Variants in FHIT observed in about 807,000 individuals in gnomAD.
The protein encoded by FHIT is bis(5'-adenosyl)-triphosphatase.
FHIT carries 19 observed loss-of-function variants against 17.9 expected under a neutral mutation model. The ratio of observed to expected loss-of-function variants is 1.06; its 90% CI spans 0.74 to 1.56. The LOEUF is 1.56. Ranked by LOEUF, FHIT falls within the 40% of genes most tolerant of loss-of-function variation. FHIT has a pLI of 0.00. For missense variants in FHIT, 248 were observed against 189.2 expected, an observed-to-expected ratio of 1.31 and a Z score of -1.82; for synonymous variants, 81 against 69.7, an observed-to-expected ratio of 1.16 and a Z score of -0.81.
intron 2 of FHIT, among the ~76,000 whole-genome samples, chr3:61,043,379 G>C (rs1403228995): frequency 6.6e-6 from 1 of 152,188 alleles, no homozygotes; most frequent in Non-Finnish European, 1.5e-5. Context: ...CTCTCTGTTA[G>C]CACAGCAGTC....
At chr3:60,169,820 C>A (rs1701339946) in intron 5 of FHIT, among the ~76,000 whole-genome samples, 1 of 152,082 alleles carries the variant, frequency 6.6e-6, no homozygotes, top group South Asian at 2.1e-4. Flanking sequence ...AAGAATGCAA[C>A]AAAGTGGGGA....
intron 5 of FHIT, among the ~76,000 whole-genome samples, chr3:60,191,385 T>C (rs1016638793): frequency 4.6e-5 from 7 of 152,212 alleles, no homozygotes; most frequent in Non-Finnish European, 8.8e-5. Context: ...CGGCAGGTTG[T>C]CACCTAGTGA....
chr3:60,144,531 G>A (rs759665081), intron 5 of FHIT, among the ~76,000 whole-genome samples: 2 of 152,112 alleles, frequency 1.3e-5, no homozygotes, highest in Non-Finnish European at 1.5e-5. Context: ...AGGTAAACTT[G>A]ATTAGTATTT....
chr3:61,212,013 C>T (rs986399786), intron 1 of FHIT, among the ~76,000 whole-genome samples: 57 of 152,158 alleles, frequency 3.7e-4, no homozygotes, highest in Non-Finnish European at 2.4e-4. Flanking sequence ...ACATAACCAT[C>T]ATGAAAGACC....
chr3:59,979,836 T>A (rs1475690500), intron 7 of FHIT, among the ~76,000 whole-genome samples: 1 of 152,062 alleles, frequency 6.6e-6, no homozygotes, highest in Non-Finnish European at 1.5e-5. Flanking sequence ...TCCTGCCACA[T>A]AAAAAGCAAC....
chr3:60,976,124 T>TTTTTTTTTC (rs1710237308), intron 3 of FHIT, among the ~76,000 whole-genome samples: 1 of 120,150 alleles, frequency 8.3e-6, no homozygotes, highest in African/African-American at 3.1e-5. Flanking sequence ...TTTTTTTTTT[T>TTTTTTTTTC]GAGACGGAGT....
intron 4 of FHIT, among the ~76,000 whole-genome samples, chr3:60,634,813 A>C (rs1205731637): frequency 2.0e-5 from 3 of 152,360 alleles, no homozygotes; most frequent in African/African-American, 7.2e-5. Flanking sequence ...ATGCATTTAA[A>C]AGTCACAGGG....
At chr3:60,447,312 G>C (rs1392074651) in intron 5 of FHIT, among the ~76,000 whole-genome samples, 1 of 152,032 alleles carries the variant, frequency 6.6e-6, no homozygotes, top group Non-Finnish European at 1.5e-5. Context: ...TAATTTAATA[G>C]AGTAATAATA....
chr3:60,805,326 C>G (rs1445324942), intron 4 of FHIT, among the ~76,000 whole-genome samples: 22 of 152,122 alleles, frequency 1.4e-4, no homozygotes, highest in African/African-American at 5.1e-4. Flanking sequence ...GTTCTAGAGG[C>G]TGAAAGTCCA....
intron 5 of FHIT, among the ~76,000 whole-genome samples, chr3:60,349,321 T>G (rs1710960008): frequency 2.0e-5 from 3 of 152,122 alleles, no homozygotes; most frequent in African/African-American, 7.2e-5. Flanking sequence ...GAAGATTCCA[T>G]GATTTCAAGC....
chr3:60,861,869 G>A (rs1014799408), intron 3 of FHIT, among the ~76,000 whole-genome samples: 6 of 148,572 alleles, frequency 4.0e-5, no homozygotes, highest in African/African-American at 1.5e-4. Flanking sequence ...AGAATGGCGT[G>A]AACCCGTGAG....
intron 4 of FHIT, among the ~76,000 whole-genome samples, chr3:60,648,678 T>C (rs1395030552): frequency 6.6e-6 from 1 of 152,214 alleles, no homozygotes; most frequent in Non-Finnish European, 1.5e-5. Flanking sequence ...TCCTGTTGCT[T>C]TTCTTGTTCT....
intron 5 of FHIT, among the ~76,000 whole-genome samples, chr3:60,292,674 T>C (rs1428176577): frequency 1.3e-5 from 2 of 152,124 alleles, no homozygotes; most frequent in African/African-American, 2.4e-5. Flanking sequence ...CAAGCAATTA[T>C]AGACACCAAC....
intron 4 of FHIT, among the ~76,000 whole-genome samples, chr3:60,746,715 G>C (rs181484399): frequency 2.2e-4 from 33 of 152,274 alleles, no homozygotes; most frequent in Admixed American, 5.2e-4. Flanking sequence ...TTTACTTGTA[G>C]GGTATAAGAA....
intron 5 of FHIT, among the ~76,000 whole-genome samples, chr3:60,295,682 G>A (rs951569275): frequency 6.6e-6 from 1 of 152,100 alleles, no homozygotes; most frequent in African/African-American, 2.4e-5. Context: ...ACTGTAGTAG[G>A]TTGTAAGGCA....
intron 3 of FHIT, among the ~76,000 whole-genome samples, chr3:60,860,213 T>C (rs1336997290): frequency 1.5e-5 from 2 of 131,288 alleles, no homozygotes; most frequent in Non-Finnish European, 3.2e-5. Flanking sequence ...ATATATGGTA[T>C]ACATGAGATA....
At chr3:60,435,945 T>A (rs143523163) in intron 5 of FHIT, among the ~76,000 whole-genome samples, 62 of 152,310 alleles carry the variant, frequency 4.1e-4, no homozygotes, top group East Asian at 3.5e-3. Flanking sequence ...TTGCTAAGGA[T>A]AATGGCCTCC....
intron 7 of FHIT, among the ~76,000 whole-genome samples, chr3:59,949,915 T>C (rs1420336157): frequency 6.6e-6 from 1 of 152,294 alleles, no homozygotes; most frequent in South Asian, 2.1e-4. Context: ...ACAACAACAA[T>C]GCATAATTAA....
intron 5 of FHIT, among the ~76,000 whole-genome samples, chr3:60,486,528 G>C (rs1407663251): frequency 6.6e-6 from 1 of 152,168 alleles, no homozygotes; most frequent in East Asian, 1.9e-4. Context: ...GGGCCTGACA[G>C]GTTAGGCAAA....
Sources: allele counts gnomAD v4.1 joint callset (sites outside exome capture counted in the v4.1 genomes callset), GRCh38; gene constraint gnomAD v4.1.1; transcripts MANE v1.5; gene names NCBI Gene and HGNC (gene_info 2026-07-23, HGNC 2026-07-21).